Variants in SMCO2 observed in about 807,000 individuals in gnomAD.
SMCO2 encodes single-pass membrane and coiled-coil domain-containing protein 2.
Under a neutral mutation model 29.5 loss-of-function variants are expected in SMCO2, and 25 were observed. The observed-to-expected ratio is 0.85, with a 90% CI of 0.62 to 1.18. SMCO2 has a LOEUF of 1.18. SMCO2 is among the 50% of genes most tolerant of loss of function. SMCO2 has a pLI of 0.00. For synonymous variants in SMCO2, 117 were observed against 123.3 expected, an observed-to-expected ratio of 0.95 and a Z score of 0.34; for missense variants, 348 against 344.5, an observed-to-expected ratio of 1.01 and a Z score of -0.08.
intron 4 of SMCO2, among the ~76,000 whole-genome samples, chr12:27,484,078 T>A (rs1949667240): frequency 6.6e-6 from 1 of 152,226 alleles, no homozygotes. Flanking sequence ...ATTTTCCTCT[T>A]GTTGAAGGGC....
At chr12:27,498,553 GT>G in intron 7 of SMCO2, 1 of 234,574 alleles carries the variant, frequency 4.3e-6, no homozygotes, top group Non-Finnish European at 8.9e-6. Flanking sequence ...TGGCTGAGGA[GT>G]TCAATATCCC....
chr12:27,465,403 A>G (rs1302008712), upstream of SMCO2, among the ~76,000 whole-genome samples: 1 of 152,224 alleles, frequency 6.6e-6, no homozygotes, highest in Non-Finnish European at 1.5e-5. Context: ...AGGTAGGAGC[A>G]TAGTCATGAT....
At chr12:27,430,041 A>T in the SMCO2 span, among the ~76,000 whole-genome samples, 2 of 152,202 alleles carry the variant, frequency 1.3e-5, no homozygotes, top group Admixed American at 1.3e-4. Flanking sequence ...GCCTCTAATA[A>T]GATACAGGAG....
chr12:27,471,174 C>T (rs1949538174), intron 2 of SMCO2, among the ~76,000 whole-genome samples: 1 of 152,070 alleles, frequency 6.6e-6, no homozygotes, highest in South Asian at 2.1e-4. Context: ...ATGATCAACA[C>T]CTTTTTAACT....
intron 1 of SMCO2, among the ~76,000 whole-genome samples, chr12:27,468,278 G>T (rs778849619): frequency 5.9e-5 from 9 of 152,224 alleles, no homozygotes; most frequent in Non-Finnish European, 1.3e-4. Context: ...TAGAACAGGG[G>T]TTGGCATGCT....
chr12:27,450,369 G>C, the SMCO2 span, among the ~76,000 whole-genome samples: 1 of 150,562 alleles, frequency 6.6e-6, no homozygotes, highest in South Asian at 2.1e-4. Context: ...TGTTTCTTCT[G>C]ATGCCCAGTT....
At chr12:27,460,019 T>G in the SMCO2 span, among the ~76,000 whole-genome samples, 1 of 152,252 alleles carries the variant, frequency 6.6e-6, no homozygotes, top group African/African-American at 2.4e-5. Flanking sequence ...CAAGTTCTCA[T>G]CTGCCTTGAA....
At chr12:27,494,432 C>G (rs1942971126) in intron 6 of SMCO2, 76 bp downstream of exon 7, 1 of 937,696 alleles carries the variant, frequency 1.1e-6, no homozygotes, top group Admixed American at 3.2e-5. Context: ...TCATTCATTG[C>G]CTAGAATATG....
chr12:27,494,111 T>C (rs1942966764), intron 5 of SMCO2, 189 bp from the exon 7 acceptor site: 3 of 394,578 alleles, frequency 7.6e-6, no homozygotes, highest in East Asian at 4.4e-5. Context: ...GTTAATCTTA[T>C]GGTTATACCA....
At chr12:27,502,115 C>T in exon 8 of SMCO2, 1 of 1,531,012 alleles carries the variant, frequency 6.5e-7, no homozygotes, top group Non-Finnish European at 8.8e-7. Flanking sequence ...CCTTGTTACC[C>T]TCCTAAAGAT....
the SMCO2 span, chr12:27,424,164 A>G: frequency 3.2e-4 from 49 of 152,324 alleles, no homozygotes; most frequent in African/African-American, 1.1e-3. Context: ...TTATATTTCT[A>G]TTGGACAGCG....
intron 5 of SMCO2, among the ~76,000 whole-genome samples, chr12:27,492,457 G>A (rs928719091): frequency 9.9e-5 from 15 of 152,274 alleles, no homozygotes; most frequent in African/African-American, 3.6e-4. Context: ...CAGCACTTTG[G>A]GGGGCCAAGA....
At chr12:27,459,419 A>T in the SMCO2 span, among the ~76,000 whole-genome samples, 1 of 152,136 alleles carries the variant, frequency 6.6e-6, no homozygotes, top group African/African-American at 2.4e-5. Context: ...GGAGCTAAAC[A>T]TCAAGTACAT....
chr12:27,455,385 A>G, the SMCO2 span, among the ~76,000 whole-genome samples: 1,795 of 152,374 alleles, frequency 0.012, 24 homozygotes, highest in Middle Eastern at 0.024. Context: ...TGTCTTCACA[A>G]AGATCTCTGA....
the SMCO2 span, among the ~76,000 whole-genome samples, chr12:27,454,046 G>A: frequency 2.6e-5 from 4 of 152,092 alleles, no homozygotes; most frequent in Admixed American, 6.5e-5. Context: ...GTGTAGTGGC[G>A]CAATCATGGC....
intron 4 of SMCO2, among the ~76,000 whole-genome samples, chr12:27,484,768 G>A (rs1463662749): frequency 1.4e-5 from 2 of 147,124 alleles, no homozygotes; most frequent in African/African-American, 5.0e-5. Flanking sequence ...CAGGAGAATT[G>A]CTTGAATCCA....
chr12:27,426,001 C>G, the SMCO2 span, among the ~76,000 whole-genome samples: 1 of 152,222 alleles, frequency 6.6e-6, no homozygotes, highest in South Asian at 2.1e-4. Context: ...GGTCAACAGC[C>G]TGGAATATAC....
intron 4 of SMCO2, among the ~76,000 whole-genome samples, chr12:27,481,979 T>A (rs1350266475): frequency 6.6e-6 from 1 of 151,986 alleles, no homozygotes; most frequent in African/African-American, 2.4e-5. Context: ...ATTGTTTTTC[T>A]GGCTTTTTGA....
At chr12:27,472,862 A>G in exon 3 of SMCO2, 1 of 1,550,238 alleles carries the variant, frequency 6.5e-7, no homozygotes, top group Non-Finnish European at 8.7e-7. Flanking sequence ...CCTCAAACTG[A>G]CTTCCTTCAC....
Sources: gnomAD v4.1 joint callset for allele counts (sites outside exome capture counted in the v4.1 genomes callset) on GRCh38, gnomAD v4.1.1 for gene constraint, MANE v1.5 for transcripts, NCBI Gene and HGNC (gene_info 2026-07-23, HGNC 2026-07-21) for gene names.